The following L3MBTL4 variants were observed in gnomAD, a reference collection of about 807,000 sequenced individuals.
The protein encoded by L3MBTL4 is lethal(3)malignant brain tumor-like protein 4.
A neutral mutation model predicts 84.5 loss-of-function variants in L3MBTL4; 70 were observed. The observed-to-expected ratio is 0.83, with a 90% CI of 0.68 to 1.01. The LOEUF (loss-of-function observed/expected upper bound fraction) is 1.01. L3MBTL4 is among the 50% of genes least tolerant of loss of function. The pLI is 0.00. For synonymous variants in L3MBTL4, 274 were observed against 259.8 expected (o/e 1.05, Z -0.52); for missense variants, 715 against 754.8 (o/e 0.95, Z 0.62).
At chr18:6,314,682 A>G (rs560089317) in intron 1 of L3MBTL4, among the ~76,000 whole-genome samples, 2 of 152,354 alleles carry the variant, frequency 1.3e-5, no homozygotes, top group East Asian at 3.9e-4. Context: ...CATGTTGCCA[A>G]ATACTAAGGA....
chr18:6,100,096 C>G (rs1246639588), intron 14 of L3MBTL4, among the ~76,000 whole-genome samples: 1 of 152,214 alleles, frequency 6.6e-6, no homozygotes, highest in East Asian at 1.9e-4. Flanking sequence ...GAAAGCTACT[C>G]GCTCTATAAC....
intron 7 of L3MBTL4, among the ~76,000 whole-genome samples, 157 bp downstream of exon 7, chr18:6,243,137 G>A (rs575781614): frequency 6.6e-6 from 1 of 152,154 alleles, no homozygotes; most frequent in Admixed American, 6.5e-5. Context: ...TCTAAAAATG[G>A]TACCATTATA....
intron 10 of L3MBTL4, among the ~76,000 whole-genome samples, chr18:6,223,062 G>T (rs1415683944): frequency 6.6e-6 from 1 of 151,718 alleles, no homozygotes; most frequent in African/African-American, 2.4e-5. Context: ...ATTTCTATGT[G>T]TTCATGAAAC....
intron 1 of L3MBTL4, among the ~76,000 whole-genome samples, chr18:6,375,502 C>T (rs1366915685): frequency 6.6e-6 from 1 of 152,128 alleles, no homozygotes; most frequent in Non-Finnish European, 1.5e-5. Context: ...CTCCTGCAAC[C>T]ACCACCCCGA....
intron 13 of L3MBTL4, among the ~76,000 whole-genome samples, chr18:6,165,477 G>C (rs1439426018): frequency 6.6e-6 from 1 of 152,172 alleles, no homozygotes; most frequent in Non-Finnish European, 1.5e-5. Flanking sequence ...ACTAACAACT[G>C]ATCTCTCGGC....
At chr18:6,040,169 A>AT (rs572726932) in intron 16 of L3MBTL4, among the ~76,000 whole-genome samples, 248 of 151,538 alleles carry the variant, frequency 1.6e-3, no homozygotes, top group Middle Eastern at 3.4e-3. Context: ...ATTGTAGTTC[A>AT]TTTTTTTTTC....
intron 12 of L3MBTL4, among the ~76,000 whole-genome samples, chr18:6,175,135 T>C (rs1358894268): frequency 6.6e-6 from 1 of 152,088 alleles, no homozygotes; most frequent in Non-Finnish European, 1.5e-5. Context: ...AGGCAAATCA[T>C]AGACCACTGA....
At chr18:5,991,289 C>G (rs937211814) in intron 16 of L3MBTL4, among the ~76,000 whole-genome samples, 2 of 152,200 alleles carry the variant, frequency 1.3e-5, no homozygotes, top group African/African-American at 4.8e-5. Context: ...GCAAGTTTGT[C>G]TGTATTCCCA....
intron 16 of L3MBTL4, among the ~76,000 whole-genome samples, chr18:6,070,586 G>A (rs1053208663): frequency 1.3e-5 from 2 of 150,472 alleles, no homozygotes; most frequent in Admixed American, 6.6e-5. Flanking sequence ...GGAGGTCAAA[G>A]TGGGCAGATT....
chr18:6,087,904 C>A (rs543994904), intron 15 of L3MBTL4, among the ~76,000 whole-genome samples: 2 of 152,146 alleles, frequency 1.3e-5, no homozygotes, highest in Middle Eastern at 3.2e-3. Flanking sequence ...CTTATATAAG[C>A]CTCACATTTA....
chr18:5,992,714 C>A (rs1281517254), intron 16 of L3MBTL4, among the ~76,000 whole-genome samples: 1 of 152,096 alleles, frequency 6.6e-6, no homozygotes, highest in Non-Finnish European at 1.5e-5. Context: ...ACCCTCCACC[C>A]CCACTCTCTC....
chr18:6,266,994 T>G (rs930324832), intron 4 of L3MBTL4, among the ~76,000 whole-genome samples: 1 of 151,876 alleles, frequency 6.6e-6, no homozygotes, highest in African/African-American at 2.4e-5. Flanking sequence ...ATGTGACAAG[T>G]GTGCAGGAAA....
At chr18:6,032,653 C>G (rs2055886857) in intron 16 of L3MBTL4, among the ~76,000 whole-genome samples, 1 of 152,098 alleles carries the variant, frequency 6.6e-6, no homozygotes. Context: ...TGCCATCCAT[C>G]TCTAGAACTC....
intron 16 of L3MBTL4, among the ~76,000 whole-genome samples, chr18:6,021,094 G>A (rs2055229197): frequency 6.6e-6 from 1 of 152,196 alleles, no homozygotes; most frequent in Admixed American, 6.6e-5. Flanking sequence ...TCAAGAAGGT[G>A]GGAATGGTCT....
chr18:6,129,962 G>A (rs2059823605), intron 14 of L3MBTL4, among the ~76,000 whole-genome samples: 1 of 152,082 alleles, frequency 6.6e-6, no homozygotes, highest in Non-Finnish European at 1.5e-5. Flanking sequence ...ATCACTCTCT[G>A]AAATGGGTGA....
At chr18:6,037,060 C>A (rs557686436) in intron 16 of L3MBTL4, among the ~76,000 whole-genome samples, 1 of 152,136 alleles carries the variant, frequency 6.6e-6, no homozygotes, top group Non-Finnish European at 1.5e-5. Flanking sequence ...TGCAACAATG[C>A]GGGGAGATGT....
At chr18:6,179,830 G>T (rs1264358584) in intron 12 of L3MBTL4, among the ~76,000 whole-genome samples, 2 of 152,078 alleles carry the variant, frequency 1.3e-5, no homozygotes, top group Non-Finnish European at 2.9e-5. Flanking sequence ...TAGAGTCAAG[G>T]TCTTGCTATG....
At chr18:6,310,997 C>T (rs909773355) in intron 3 of L3MBTL4, among the ~76,000 whole-genome samples, 1 of 152,144 alleles carries the variant, frequency 6.6e-6, no homozygotes, top group African/African-American at 2.4e-5. Flanking sequence ...TGCAGACTGA[C>T]CTGGACTCAA....
intron 15 of L3MBTL4, among the ~76,000 whole-genome samples, chr18:6,083,214 T>A (rs1261949817): frequency 2.6e-5 from 4 of 152,190 alleles, no homozygotes; most frequent in African/African-American, 9.7e-5. Context: ...TAAAGGGAAG[T>A]CACAGGCAGA....
Sources: gnomAD v4.1 joint callset for allele counts (sites outside exome capture counted in the v4.1 genomes callset) on GRCh38, gnomAD v4.1.1 for gene constraint, MANE v1.5 for transcripts, NCBI Gene and HGNC (gene_info 2026-07-23, HGNC 2026-07-21) for gene names.